IQGAP1: variants seen among roughly 807,000 people sequenced by gnomAD.
IQGAP1 encodes the protein ras GTPase-activating-like protein IQGAP1.
In IQGAP1, 66 loss-of-function variants were observed where a neutral mutation model predicts 215.6. That is an observed-to-expected ratio of 0.31 (90% CI 0.25 to 0.38). The LOEUF (loss-of-function observed/expected upper bound fraction) is 0.38. IQGAP1 is among the 10% of genes least tolerant of loss of function. IQGAP1 has a pLI of 1.00. For synonymous variants in IQGAP1, 772 were observed against 728.7 expected (o/e 1.06, Z -0.96); for missense variants, 1,712 against 1,997.1 (o/e 0.86, Z 2.72).
intron 23 of IQGAP1, among the ~76,000 whole-genome samples, chr15:90,476,021 G>A (rs749188516): frequency 5.3e-5 from 8 of 151,700 alleles, no homozygotes; most frequent in East Asian, 2.0e-4. Context: ...CTGCAACCTC[G>A]ACCTCCTAGG....
intron 2 of IQGAP1, among the ~76,000 whole-genome samples, chr15:90,425,423 G>T (rs1006595202): frequency 6.6e-6 from 1 of 152,058 alleles, no homozygotes; most frequent in African/African-American, 2.4e-5. Flanking sequence ...TTTTATCTTA[G>T]GCTTTCTTGA....
chr15:90,436,660 A>G (rs1175148924), intron 5 of IQGAP1, among the ~76,000 whole-genome samples: 2 of 152,238 alleles, frequency 1.3e-5, no homozygotes, highest in Admixed American at 1.3e-4. Context: ...GCCTAACAGT[A>G]TATTTGTAGA....
At chr15:90,409,973 T>A (rs983492947) in intron 2 of IQGAP1, among the ~76,000 whole-genome samples, 4 of 152,220 alleles carry the variant, frequency 2.6e-5, no homozygotes, top group African/African-American at 9.6e-5. Flanking sequence ...GTTCATATCC[T>A]TTGCCCACTT....
Position 90,483,600 on chromosome 15 carries a change from G to A in IQGAP1, c.3788+7G>A, listed in dbSNP as rs770317717. The A allele has an allele frequency of 6.3e-7, 1 of 1,583,516 alleles. No individual in the cohort carries two copies. The highest frequency in any genetic ancestry group is 8.6e-7 in the Non-Finnish European group (1 of 1,156,642). On this transcript the variant is annotated splice_region_variant and intron_variant, in intron 29 of 37. Transcript: ENST00000268182. ...AGTCCTACCAGAAATTCAGGTAAGG[G>A]GAAAGGCACAAGTGCTTAAGAGAGT...
rs1213224706 is a variant in IQGAP1 at position 90,474,058 on chromosome 15, C to T, written c.2506-6C>T. On this transcript the variant is annotated splice_region_variant and splice_polypyrimidine_tract_variant and intron_variant, in intron 21 of 37. Coordinates refer to ENST00000268182, the MANE Select transcript of IQGAP1 (RefSeq NM_003870.4). The stretch of plus-strand genomic sequence containing the variant: ...ACAGAGAAATTTCTTCTTTTTTGTT[C>T]CTTAGATAAATGACATTATCAAAAT... The T allele has an allele frequency of 3.7e-6, 6 of 1,612,670 alleles. No homozygotes were observed. The highest frequency in any genetic ancestry group is 5.1e-6 in the Non-Finnish European group (6 of 1,179,280).
At chr15:90,413,220 C>A (rs374904883) in intron 2 of IQGAP1, among the ~76,000 whole-genome samples, 18 of 152,142 alleles carry the variant, frequency 1.2e-4, no homozygotes, top group African/African-American at 4.1e-4. Flanking sequence ...ACCATTTCAC[C>A]CCCACACTCA....
intron 2 of IQGAP1, among the ~76,000 whole-genome samples, chr15:90,409,810 G>A (rs545542400): frequency 1.3e-5 from 2 of 152,276 alleles, no homozygotes; most frequent in East Asian, 1.9e-4. Flanking sequence ...TCCAGCACCT[G>A]TTGTTTCCTG....
chr15:90,470,367 C>T (rs974627227), intron 18 of IQGAP1, among the ~76,000 whole-genome samples: 2 of 152,120 alleles, frequency 1.3e-5, no homozygotes, highest in African/African-American at 2.4e-5. Flanking sequence ...TCCTCCAGTG[C>T]TTGTCAGGAT....
At chr15:90,496,557 G>A (rs968670021) in intron 36 of IQGAP1, among the ~76,000 whole-genome samples, 4 of 151,920 alleles carry the variant, frequency 2.6e-5, no homozygotes, top group Non-Finnish European at 5.9e-5. Flanking sequence ...ATCTGACCTC[G>A]TGATCCGCCC....
At chr15:90,485,522 C>A (rs1966114676) in intron 30 of IQGAP1, among the ~76,000 whole-genome samples, 2 of 152,172 alleles carry the variant, frequency 1.3e-5, no homozygotes, top group South Asian at 4.1e-4. Context: ...TCACTGCAAC[C>A]TCCACCTACT....
chr15:90,403,748 A>C (rs150121685), intron 2 of IQGAP1, among the ~76,000 whole-genome samples: 12 of 151,512 alleles, frequency 7.9e-5, no homozygotes, highest in African/African-American at 1.2e-4. Flanking sequence ...ATCTCGGCTC[A>C]TTACAACCTC....
chr15:90,425,216 A>G (rs1216236843), intron 2 of IQGAP1, among the ~76,000 whole-genome samples: 1 of 152,112 alleles, frequency 6.6e-6, no homozygotes, highest in African/African-American at 2.4e-5. Flanking sequence ...AAGCTGAGGC[A>G]GGAGAATTGC....
rs1318974341 is a variant in IQGAP1, at chr15:90,492,629, A to C, written c.4546A>C (p.Lys1516Gln). Residue 1516 changes from lysine to glutamine, a missense_variant, in exon 35 of 38, where the codon AAG becomes CAG. Around this residue, in one of 2 missense-constraint regions of IQGAP1, gnomAD observed 691 missense variants for 923.0 expected, o/e 0.75. Transcript: ENST00000268182. ...ACAGACATACGCTGCTCTGAACTCT[A>C]AGGCCACCTTTTATGGGGAGCAGGT... Reference protein sequence around the residue: ...LQQTYAALNSKATFYGEQVDY... With the variant: ...LQQTYAALNSQATFYGEQVDY... 1.9e-6 allele frequency: 3 copies of C among 1,613,998 alleles called. No individual in the cohort carries two copies. The African/African-American group carries it at 4.0e-5, about 22-fold the overall frequency.
rs1965635157 is a variant in IQGAP1 at position 90,453,401 on chromosome 15, A to G, written c.1487+109A>G. ...CAGGCATTATTACTTTATCATGGTCATACTTTTGTTTGGTTCTACTTTGAT... is the reference window on the plus strand; with the variant it reads ...CAGGCATTATTACTTTATCATGGTCGTACTTTTGTTTGGTTCTACTTTGAT... On this transcript the variant is annotated intron_variant, in intron 13 of 37. Transcript: ENST00000268182. 3.6e-6 allele frequency: 3 copies of G among 827,318 alleles called. No homozygotes were observed. In the South Asian group the frequency reaches 5.9e-5, roughly 16 times the overall value. The allele number at this position is 827,318 out of a possible 1,614,324, so 51.2% of individuals were successfully genotyped here. A position where few individuals can be genotyped will look rare whatever the true frequency, so the allele number is the denominator to read the frequency against.
chr15:90,456,492 T>C (rs1170856011), intron 15 of IQGAP1, among the ~76,000 whole-genome samples, 177 bp downstream of exon 15: 1 of 152,216 alleles, frequency 6.6e-6, no homozygotes, highest in East Asian at 1.9e-4. Context: ...TACTAGGAGC[T>C]CATGCTGTTT....
intron 2 of IQGAP1, among the ~76,000 whole-genome samples, chr15:90,416,356 A>G (rs866139111): frequency 6.6e-6 from 1 of 152,208 alleles, no homozygotes; most frequent in Non-Finnish European, 1.5e-5. Flanking sequence ...ATGGTGCTGC[A>G]GTAAACATAC....
intron 2 of IQGAP1, among the ~76,000 whole-genome samples, chr15:90,409,168 T>G (rs2151006327): frequency 6.6e-6 from 1 of 152,068 alleles, no homozygotes; most frequent in South Asian, 2.1e-4. Context: ...AAGATACACT[T>G]CCTTACTCCT....
Position 90,388,329 on chromosome 15 carries a change from G to A in IQGAP1, c.-13G>A. On this transcript the variant is annotated 5_prime_UTR_variant, in exon 1 of 38. Transcript: ENST00000268182. ...TTCACGGCTTCCTCAGCAGAGACTC[G>A]GGCTCGTCCGCCATGTCCGCCGCAG... 1.3e-6 allele frequency: 2 copies of A among 1,595,808 alleles called. No homozygotes were observed. The highest frequency in any genetic ancestry group is 1.7e-6 in the Non-Finnish European group (2 of 1,172,800).
intron 11 of IQGAP1, among the ~76,000 whole-genome samples, chr15:90,450,972 A>G (rs1596272893): frequency 6.6e-6 from 1 of 152,092 alleles, no homozygotes; most frequent in Non-Finnish European, 1.5e-5. Context: ...TTAGCTTGAC[A>G]TAGTCCTGTT....
Sources: allele counts gnomAD v4.1 joint callset (sites outside exome capture counted in the v4.1 genomes callset), GRCh38; gene constraint gnomAD v4.1.1; regional missense constraint gnomAD v4.1.1; transcripts MANE v1.5; gene names NCBI Gene and HGNC (gene_info 2026-07-23, HGNC 2026-07-21).